RNASEH1: variants seen among roughly 807,000 people sequenced by gnomAD.
The protein encoded by RNASEH1 is ribonuclease H1.
Under a neutral mutation model 34.6 loss-of-function variants are expected in RNASEH1, and 27 were observed. The ratio of observed to expected loss-of-function variants is 0.78; its 90% CI spans 0.58 to 1.08. The LOEUF (loss-of-function observed/expected upper bound fraction) is 1.08. RNASEH1 is among the 50% of genes least tolerant of loss of function. RNASEH1 has a pLI of 0.00. For missense variants in RNASEH1, 349 were observed against 373.6 expected (o/e 0.93, Z 0.54); for synonymous variants, 162 against 138.4 (o/e 1.17, Z -1.20).
rs1307857149 is a variant in RNASEH1, at chr2:3,542,359, G to A, written c.*3426C>T. ...GGGCATCTAAGGAAAAACAGCATAT[G>A]ACTGTCAGGGGAAGAAAACAAGATT... On this transcript the variant is annotated 3_prime_UTR_variant, in exon 8 of 8. Coordinates refer to ENST00000315212, the MANE Select transcript of RNASEH1 (RefSeq NM_002936.6). Among the ~76,000 whole-genome samples the A allele has an allele frequency of 6.6e-6, 1 of 152,204 alleles. No individual in the cohort carries two copies. The highest frequency in any genetic ancestry group is 2.4e-5 in the African/African-American group (1 of 41,446).
downstream of RNASEH1, among the ~76,000 whole-genome samples, chr2:3,540,578 T>C (rs1290641085): frequency 6.6e-6 from 1 of 152,268 alleles, no homozygotes; most frequent in East Asian, 1.9e-4. Flanking sequence ...CTGGGTAATT[T>C]TTGTATTTTT....
Position 3,550,368 on chromosome 2 carries a change from CT to C in RNASEH1, c.509+4del. The C allele has an allele frequency of 6.2e-7, 1 of 1,609,424 alleles. No homozygotes were observed. Among genetic ancestry groups the C allele is most frequent in the Non-Finnish European group, 8.5e-7 (1 of 1,175,736 alleles). ...TTCAGTAAAACTCAGCTTCGTTTAA[CT>C]TACAAAGGATGGCCTGGCCCCCAGT... is the stretch of plus-strand genomic sequence containing the variant. On this transcript the variant is annotated splice_donor_region_variant and intron_variant, in intron 4 of 7. Transcript: ENST00000315212.
In RNASEH1 at chr2:3,544,694, T is replaced by C. The variant is rs1668578331; in HGVS notation, c.*1091A>G. 6.6e-6 allele frequency: 1 copy of C among 152,164 alleles called. No individual in the cohort carries two copies. Among genetic ancestry groups the C allele is most frequent in the African/African-American group, 2.4e-5 (1 of 41,448 alleles). 9.4% of individuals were successfully genotyped at this position (152,164 alleles called of 1,614,324 possible). A position where few individuals can be genotyped will look rare whatever the true frequency, so the allele number is the denominator to read the frequency against. On this transcript the variant is annotated 3_prime_UTR_variant, in exon 8 of 8. Transcript: ENST00000315212. ...ACAATCATAATCATTCAATAAGCTATACATTTGTTTTGTGTCACTTCCTGT... is the reference window on the plus strand; with the variant it reads ...ACAATCATAATCATTCAATAAGCTACACATTTGTTTTGTGTCACTTCCTGT...
At chr2:3,552,561 ACCACCACCCCCTCCCCTCCACAC>A (rs1344223909) in intron 2 of RNASEH1, among the ~76,000 whole-genome samples, 68 of 36,592 alleles carry the variant, frequency 1.9e-3, no homozygotes, top group African/African-American at 7.7e-3. Context: ...CCTCCACACC[ACCACCACCCCCTCCCCTCCACAC>A]CACCACCACC....
Position 3,549,102 on chromosome 2 carries a change from T to C in RNASEH1, c.520A>G (p.Ile174Val), listed in dbSNP as rs147814652. 1 of 1,613,068 alleles carries C rather than the reference T, an allele frequency of 6.2e-7. No homozygotes were observed. The highest frequency in any genetic ancestry group is 2.2e-5 in the East Asian group (1 of 44,862). ...WGPGHPLNVG[I>V]RLPGRQTNQR... ...TTTGTCTGCCGCCCAGGAAGTCTAATGCCTACATTTCTGTTTCAAAACAGT... is the reference window on the plus strand; with the variant it reads ...TTTGTCTGCCGCCCAGGAAGTCTAACGCCTACATTTCTGTTTCAAAACAGT... The change falls in exon 5 of 8, where the codon ATT becomes GTT. Residue 174 changes from isoleucine to valine, a missense_variant. Ile to Val is a conservative substitution (Grantham distance 29, BLOSUM62 3). Coordinates refer to ENST00000315212, the MANE Select transcript of RNASEH1 (RefSeq NM_002936.6).
At chr2:3,548,960 T>C (rs949686459) in intron 5 of RNASEH1, 98 bp downstream of exon 5, 1 of 1,025,702 alleles carries the variant, frequency 9.7e-7, no homozygotes, top group Non-Finnish European at 1.5e-6. Context: ...TCTTCAAATA[T>C]CTTATATGTA....
intron 2 of RNASEH1, among the ~76,000 whole-genome samples, chr2:3,553,399 T>C (rs931177643): frequency 1.3e-5 from 2 of 150,096 alleles, no homozygotes; most frequent in Non-Finnish European, 3.0e-5. Context: ...CCCAAATAGT[T>C]TTTTTTTTTT....
downstream of RNASEH1, among the ~76,000 whole-genome samples, chr2:3,540,341 T>C (rs1204554190): frequency 1.3e-5 from 2 of 151,996 alleles, no homozygotes; most frequent in Non-Finnish European, 2.9e-5. Context: ...AAATTTAAGA[T>C]TCCTCTTTAA....
chr2:3,553,517 G>A (rs1231330828), intron 2 of RNASEH1, among the ~76,000 whole-genome samples: 2 of 151,810 alleles, frequency 1.3e-5, no homozygotes, highest in Admixed American at 6.6e-5. Context: ...AGCCTCCCAA[G>A]TAGCTGGGAT....
chr2:3,547,438 A>G (rs1256480326), intron 7 of RNASEH1, among the ~76,000 whole-genome samples: 1 of 150,656 alleles, frequency 6.6e-6, no homozygotes, highest in Admixed American at 6.6e-5. Flanking sequence ...GGCCTCCTAA[A>G]GTGCTGGGTT....
downstream of RNASEH1, among the ~76,000 whole-genome samples, chr2:3,538,886 C>CAT (rs1200016654): frequency 2.6e-5 from 4 of 152,196 alleles, no homozygotes; most frequent in Non-Finnish European, 4.4e-5. Flanking sequence ...GCCTCAGCAA[C>CAT]ATATGCACTG....
chr2:3,533,067 C>T, the RNASEH1 span: 6 of 152,376 alleles, frequency 3.9e-5, no homozygotes, highest in South Asian at 6.2e-4. Flanking sequence ...AAGAGAGCCG[C>T]GAGGCTTGCT....
rs908771435 is a variant in RNASEH1 at position 3,558,313 on chromosome 2, G to A, written c.-53C>T. The A allele has an allele frequency of 5.4e-6, 8 of 1,473,804 alleles. No homozygotes were observed. In the Admixed American group the frequency reaches 1.0e-4, roughly 19 times the overall value. 91.3% of individuals were successfully genotyped at this position (1,473,804 alleles called of 1,614,324 possible). On this transcript the variant is annotated 5_prime_UTR_variant, in exon 1 of 8. Coordinates refer to ENST00000315212, the MANE Select transcript of RNASEH1 (RefSeq NM_002936.6). ...TCGACTCCCGGCCCAGCGTGGGCGCGAGCCGCCGGCGCTCAACACCGCACT... is the reference window on the plus strand; with the variant it reads ...TCGACTCCCGGCCCAGCGTGGGCGCAAGCCGCCGGCGCTCAACACCGCACT...
chr2:3,552,072 T>C, intron 3 of RNASEH1, 72 bp downstream of exon 3: 1 of 1,301,152 alleles, frequency 7.7e-7, no homozygotes, highest in South Asian at 1.4e-5. Flanking sequence ...CCCCATCAAG[T>C]GGGAAACACC....
In RNASEH1 at chr2:3,556,829, C is replaced by G; in HGVS notation, c.204G>C (p.Trp68Cys). The G allele has an allele frequency of 6.2e-7, 1 of 1,614,056 alleles. No homozygotes were observed. Among genetic ancestry groups the G allele is most frequent in the Non-Finnish European group, 8.5e-7 (1 of 1,179,894 alleles). Residue 68 changes from tryptophan (W) to cysteine (C), a missense_variant, in exon 2 of 8, where the codon TGG becomes TGC. By Grantham distance (215) the Trp-to-Cys change is radical. Coordinates refer to ENST00000315212, the MANE Select transcript of RNASEH1 (RefSeq NM_002936.6). ...GGCTTGCAGATTTCCTGACAAAGGC[C>G]CAGGCCTCATCCTCTGTGGCAAACT... Reference protein sequence around the residue: ...FKKFATEDEAWAFVRKSASPE... With the variant: ...FKKFATEDEACAFVRKSASPE...
downstream of RNASEH1, among the ~76,000 whole-genome samples, chr2:3,541,253 C>T (rs575211833): frequency 2.6e-5 from 4 of 151,206 alleles, no homozygotes; most frequent in Admixed American, 6.6e-5. Context: ...GGTGTGAACC[C>T]GGGAGGCAGA....
chr2:3,545,819 A>T lies in RNASEH1; in HGVS notation c.827T>A (p.Leu276Ter). ...CGATTGTTTAGCTCCTTCTCTGGCT[A>T]ATCTGTCAGCTTCTTCATTGCCTAT... Reference protein sequence around the residue: ...GFIGNEEADRLAREGAKQSED With the variant: ...GFIGNEEADR Residue 276 changes from leucine (L) to a stop codon, truncating the protein, a stop_gained, in exon 8 of 8, where the codon TTA becomes TAA. Coordinates refer to ENST00000315212, the MANE Select transcript of RNASEH1 (RefSeq NM_002936.6). LOFTEE classifies it high-confidence loss of function. 6.2e-7 allele frequency: 1 copy of T among 1,613,842 alleles called. No individual in the cohort carries two copies. Among genetic ancestry groups the T allele is most frequent in the South Asian group, 1.1e-5 (1 of 91,078 alleles).
At chr2:3,548,422 C>A (rs1239517890) in intron 6 of RNASEH1, among the ~76,000 whole-genome samples, 1 of 152,222 alleles carries the variant, frequency 6.6e-6, no homozygotes, top group African/African-American at 2.4e-5. Context: ...GCCACTTCCA[C>A]TTCTGACTGC....
chr2:3,555,706 G>C (rs1040372678), intron 2 of RNASEH1, among the ~76,000 whole-genome samples: 1 of 152,126 alleles, frequency 6.6e-6, no homozygotes, highest in Non-Finnish European at 1.5e-5. Context: ...ATTCACGTAA[G>C]ATCACCTCCT....
Sources: gnomAD v4.1 joint callset for allele counts (sites outside exome capture counted in the v4.1 genomes callset) on GRCh38, gnomAD v4.1.1 for gene constraint, MANE v1.5 for transcripts, NCBI Gene and HGNC (gene_info 2026-07-23, HGNC 2026-07-21) for gene names.